Variants in CNBD1 observed in about 807,000 individuals in gnomAD.
The protein encoded by CNBD1 is cyclic nucleotide-binding domain-containing protein 1.
A neutral mutation model predicts 54.4 loss-of-function variants in CNBD1; 71 were observed. The ratio of observed to expected loss-of-function variants is 1.30; its 90% CI spans 1.08 to 1.59. CNBD1 has a LOEUF of 1.59. CNBD1 is among the 40% of genes most tolerant of loss of function. The probability of loss-of-function intolerance (pLI) is 0.00; values close to 1 mark genes in which losing one functional copy is unlikely to be tolerated. For missense variants in CNBD1, 659 were observed against 518.0 expected (o/e 1.27, Z -2.64); for synonymous variants, 182 against 170.7 (o/e 1.07, Z -0.51).
intron 2 of CNBD1, among the ~76,000 whole-genome samples, chr8:87,412,093 A>T (rs577805285): frequency 6.6e-6 from 1 of 152,022 alleles, no homozygotes; most frequent in Non-Finnish European, 1.5e-5. Flanking sequence ...ATAATGCTAA[A>T]GTGTTTAGAA....
chr8:87,275,340 C>T (rs1320925799), intron 6 of CNBD1, among the ~76,000 whole-genome samples: 2 of 151,106 alleles, frequency 1.3e-5, no homozygotes, highest in African/African-American at 4.9e-5. Flanking sequence ...ATGGGGATAG[C>T]ATTGAATCTA....
At chr8:87,304,451 A>G (rs905801954) in intron 8 of CNBD1, among the ~76,000 whole-genome samples, 1 of 152,002 alleles carries the variant, frequency 6.6e-6, no homozygotes, top group African/African-American at 2.4e-5. Context: ...ACACATGGAC[A>G]CAGGAAGGGG....
intron 6 of CNBD1, 104 bp from the exon 7 acceptor site, chr8:87,284,574 C>G (rs1808656020): frequency 1.0e-6 from 1 of 977,248 alleles, no homozygotes; most frequent in African/African-American, 1.7e-5. Flanking sequence ...TTTAGAACCC[C>G]CTCTTTCATA....
At position 87,142,470 on chromosome 8, in the gene CNBD1, G is replaced by C. The variant is rs1292096195; in HGVS notation, c.432-63523G>C. Among the ~76,000 whole-genome samples the C allele has an allele frequency of 1.7e-4, 26 of 152,094 alleles. 1 individual carries two copies. Among genetic ancestry groups the C allele is most frequent in the Admixed American group, 1.7e-3 (26 of 15,244 alleles). On this transcript the variant is annotated intron_variant, in intron 4 of 10. Transcript: ENST00000518476. The stretch of plus-strand genomic sequence containing the variant: ...TATAGAATTACATGAAGACAGGCTT[G>C]TTTTAACATTACAATATATAACTAA...
intron 8 of CNBD1, among the ~76,000 whole-genome samples, chr8:87,327,478 C>T (rs184001494): frequency 1.6e-4 from 25 of 152,312 alleles, no homozygotes; most frequent in African/African-American, 3.6e-4. Context: ...TAGGATACTC[C>T]GAACCAGGTG....
At chr8:87,189,248 A>G (rs1169485320) in intron 4 of CNBD1, among the ~76,000 whole-genome samples, 1 of 152,170 alleles carries the variant, frequency 6.6e-6, no homozygotes, top group Non-Finnish European at 1.5e-5. Context: ...CTCAGATCTT[A>G]TGAACCGAGT....
chr8:87,102,755 A>G (rs1423434087), intron 4 of CNBD1, among the ~76,000 whole-genome samples: 2 of 152,070 alleles, frequency 1.3e-5, no homozygotes, highest in South Asian at 2.1e-4. Context: ...CTGGGACTAC[A>G]GGCACCTGCC....
At chr8:86,962,157 C>T (rs1262595750) in intron 4 of CNBD1, among the ~76,000 whole-genome samples, 18 of 152,062 alleles carry the variant, frequency 1.2e-4, no homozygotes, top group Admixed American at 1.2e-3. Context: ...CCCAAGAAGT[C>T]CCAGGACTTC....
chr8:86,886,868 C>T lies in CNBD1; in HGVS notation c.89-674C>T, dbSNP rs1474093628. 2.6e-5 allele frequency among the ~76,000 whole-genome samples: 4 copies of T among 152,210 alleles called. No homozygotes were observed. In the East Asian group the frequency reaches 7.7e-4, roughly 29 times the overall value. ...GCAGAAGCCCATCACTGTAAAGATG[C>T]TATAATATGCAATGCTCTATCTTCC... On this transcript the variant is annotated intron_variant, in intron 1 of 10. Transcript: ENST00000518476.
At chr8:87,190,887 G>T (rs6998553) in intron 4 of CNBD1, among the ~76,000 whole-genome samples, 1 of 124,904 alleles carries the variant, frequency 8.0e-6, no homozygotes, top group Non-Finnish European at 1.7e-5. Context: ...ATACATGTAC[G>T]TATATCTATT....
chr8:87,287,452 T>TA (rs1354694921), intron 8 of CNBD1, among the ~76,000 whole-genome samples: 1 of 152,156 alleles, frequency 6.6e-6, no homozygotes, highest in Non-Finnish European at 1.5e-5. Flanking sequence ...AGCCAGAACT[T>TA]AGATTATAAT....
chr8:86,889,673 G>A (rs7828283), intron 2 of CNBD1, among the ~76,000 whole-genome samples: 71,693 of 151,876 alleles, frequency 0.47, 17,116 homozygotes, highest in South Asian at 0.55. Context: ...AATAACAAAG[G>A]GGGGATGATA....
At chr8:86,908,729 C>T (rs1232919964) in intron 3 of CNBD1, among the ~76,000 whole-genome samples, 1 of 151,562 alleles carries the variant, frequency 6.6e-6, no homozygotes, top group Non-Finnish European at 1.5e-5. Flanking sequence ...AAATGATTTC[C>T]ATATTCCAAT....
At chr8:87,162,297 G>T (rs949758674) in intron 4 of CNBD1, among the ~76,000 whole-genome samples, 4 of 152,020 alleles carry the variant, frequency 2.6e-5, no homozygotes, top group African/African-American at 9.7e-5. Flanking sequence ...GCAGCTAATA[G>T]TATTTCACCA....
chr8:87,357,342 G>C (rs746400968), intron 10 of CNBD1, among the ~76,000 whole-genome samples: 1 of 152,144 alleles, frequency 6.6e-6, no homozygotes, highest in South Asian at 2.1e-4. Context: ...AGCTACAGGC[G>C]TTTAACTCCA....
chr8:86,989,903 G>T (rs1055448182), intron 4 of CNBD1, among the ~76,000 whole-genome samples: 8 of 152,078 alleles, frequency 5.3e-5, no homozygotes, highest in African/African-American at 1.7e-4. Context: ...AACTGGGAAG[G>T]TAGGACAGCC....
chr8:86,881,762 A>G (rs1255327221), intron 1 of CNBD1, among the ~76,000 whole-genome samples: 1 of 152,226 alleles, frequency 6.6e-6, no homozygotes, highest in Non-Finnish European at 1.5e-5. Flanking sequence ...CATGACTTCA[A>G]ACTATACTGC....
At chr8:87,420,871 C>T (rs951379422) in intron 2 of CNBD1, among the ~76,000 whole-genome samples, 3 of 151,550 alleles carry the variant, frequency 2.0e-5, no homozygotes, top group Non-Finnish European at 4.4e-5. Flanking sequence ...ATTATAAGGC[C>T]ATGTCTTATG....
intron 4 of CNBD1, chr8:87,044,633 C>T (rs1331394383): frequency 6.6e-6 from 1 of 152,176 alleles, no homozygotes; most frequent in Admixed American, 6.5e-5. Context: ...CTGTACAACT[C>T]TCCCCATCTT....
Sources: allele counts gnomAD v4.1 joint callset (sites outside exome capture counted in the v4.1 genomes callset), GRCh38; gene constraint gnomAD v4.1.1; transcripts MANE v1.5; gene names NCBI Gene and HGNC (gene_info 2026-07-23, HGNC 2026-07-21).